Variants in LINGO2 observed in about 807,000 individuals in gnomAD.
The protein encoded by LINGO2 is leucine rich repeat and Ig domain containing 2, also known as leucine-rich repeat and immunoglobulin-like domain-containing nogo receptor-interacting protein 2.
Under a neutral mutation model 30.6 loss-of-function variants are expected in LINGO2, and 14 were observed. The ratio of observed to expected loss-of-function variants is 0.46; its 90% CI spans 0.30 to 0.72. LINGO2 has a LOEUF of 0.72. LINGO2 is among the 30% of genes least tolerant of loss of function. The probability of loss-of-function intolerance (pLI) is 0.07; values close to 1 mark genes in which losing one functional copy is unlikely to be tolerated. For missense variants in LINGO2, 729 were observed against 751.7 expected (o/e 0.97, Z 0.35); for synonymous variants, 317 against 288.5 (o/e 1.10, Z -1.00).
intron 1 of LINGO2, among the ~76,000 whole-genome samples, chr9:28,602,458 A>C (rs1227282936): frequency 6.6e-6 from 1 of 152,124 alleles, no homozygotes; most frequent in Non-Finnish European, 1.5e-5. Flanking sequence ...ATACTAAATG[A>C]TATGTTTTAC....
the LINGO2 span, among the ~76,000 whole-genome samples, chr9:28,910,194 T>C: frequency 2.0e-5 from 3 of 152,074 alleles, no homozygotes; most frequent in Non-Finnish European, 4.4e-5. Context: ...TATAGATACA[T>C]TTATCTCTTT....
chr9:28,850,640 A>G, the LINGO2 span, among the ~76,000 whole-genome samples: 2 of 152,052 alleles, frequency 1.3e-5, no homozygotes, highest in Admixed American at 6.6e-5. Flanking sequence ...GAGGGAATGC[A>G]TATTAACCAG....
At chr9:28,902,199 G>A in the LINGO2 span, among the ~76,000 whole-genome samples, 1 of 152,116 alleles carries the variant, frequency 6.6e-6, no homozygotes. Context: ...GAAACCTAAA[G>A]AGAGCAGGTA....
intron 4 of LINGO2, among the ~76,000 whole-genome samples, chr9:28,177,417 A>G (rs983585678): frequency 6.6e-6 from 1 of 152,186 alleles, no homozygotes; most frequent in Non-Finnish European, 1.5e-5. Flanking sequence ...TCTGAAGGTC[A>G]TATGGTACAA....
At chr9:28,384,719 T>C (rs988235370) in intron 2 of LINGO2, among the ~76,000 whole-genome samples, 10 of 152,068 alleles carry the variant, frequency 6.6e-5, no homozygotes, top group Admixed American at 2.0e-4. Context: ...TTTAAAAATA[T>C]GTTTCTTGCA....
intron 1 of LINGO2, among the ~76,000 whole-genome samples, chr9:28,562,587 T>G (rs1823156580): frequency 1.3e-5 from 2 of 151,892 alleles, no homozygotes; most frequent in Admixed American, 1.3e-4. Context: ...TGTGTCATGC[T>G]AAAAGGGTTA....
At chr9:28,448,569 C>T (rs1482658545) in intron 2 of LINGO2, among the ~76,000 whole-genome samples, 1 of 151,894 alleles carries the variant, frequency 6.6e-6, no homozygotes, top group African/African-American at 2.4e-5. Context: ...TACCCAAGAA[C>T]ATACAGTTTT....
chr9:28,999,647 C>G, the LINGO2 span, among the ~76,000 whole-genome samples: 1 of 151,884 alleles, frequency 6.6e-6, no homozygotes, highest in Non-Finnish European at 1.5e-5. Context: ...CCTATTAAAT[C>G]CTGCAAAATC....
chr9:28,329,582 C>T lies in LINGO2; in HGVS notation c.-245-34216G>A, dbSNP rs1825348462. 6.6e-6 allele frequency among the ~76,000 whole-genome samples: 1 copy of T among 152,118 alleles called. No homozygotes were observed. Among genetic ancestry groups the T allele is most frequent in the South Asian group, 2.1e-4 (1 of 4,832 alleles). Reference sequence around the variant, plus strand: ...AGGGCTTCGGTTCAAGCCAGGATATCCAAGCATACACAAAAATTCTTTATA... The same window carrying T: ...AGGGCTTCGGTTCAAGCCAGGATATTCAAGCATACACAAAAATTCTTTATA... On this transcript the variant is annotated intron_variant, in intron 3 of 5. Coordinates refer to ENST00000379992, the Ensembl canonical transcript of LINGO2. This position sits in a 1 kb window ranked among gnomAD's most constrained non-coding sequence, Gnocchi z 4.5.
chr9:28,348,290 T>G (rs1165369665), intron 3 of LINGO2, among the ~76,000 whole-genome samples: 2 of 151,860 alleles, frequency 1.3e-5, no homozygotes, highest in African/African-American at 2.4e-5. Flanking sequence ...AGTGGGTGTG[T>G]GCACCGTGCA....
At position 28,296,561 on chromosome 9, in the gene LINGO2, G is replaced by A. The variant is rs941045835; in HGVS notation, c.-245-1195C>T. Among the ~76,000 whole-genome samples, 3 of 152,144 alleles carry A rather than the reference G, an allele frequency of 2.0e-5. No individual in the cohort carries two copies. In the East Asian group the frequency reaches 5.8e-4, roughly 29 times the overall value. On this transcript the variant is annotated intron_variant, in intron 3 of 5. Transcript: ENST00000379992. ...GCTTCACGGATTCCCAGAAGTCAGT[G>A]TGGAGACTTTGTTAAAAGGCACAAC...
In LINGO2 at chr9:28,191,809, T is replaced by C. The variant is rs758929338; in HGVS notation, c.-87+103399A>G. On this transcript the variant is annotated intron_variant, in intron 4 of 5. Coordinates refer to ENST00000379992, the Ensembl canonical transcript of LINGO2. ...TTATCTTTTCCCATATTCAGTAAAA[T>C]GACAGTAACCTGGTTTTCTTCTGAT... is the stretch of plus-strand genomic sequence containing the variant. Among the ~76,000 whole-genome samples, 8 of 152,154 alleles carry C rather than the reference T, an allele frequency of 5.3e-5. 1 individual carries two copies. Among genetic ancestry groups the C allele is most frequent in the Non-Finnish European group, 7.4e-5 (5 of 67,998 alleles).
At chr9:28,138,047 T>TTCC (rs1175127180) in intron 4 of LINGO2, among the ~76,000 whole-genome samples, 3 of 152,200 alleles carry the variant, frequency 2.0e-5, no homozygotes, top group African/African-American at 7.2e-5. Context: ...CTCTGGAAGG[T>TTCC]AGATATCATT....
chr9:28,658,443 T>A (rs1015778929), intron 1 of LINGO2, among the ~76,000 whole-genome samples: 5 of 152,106 alleles, frequency 3.3e-5, no homozygotes, highest in Non-Finnish European at 7.4e-5. Context: ...TATATCTTTA[T>A]AATTATTACA....
intron 1 of LINGO2, among the ~76,000 whole-genome samples, chr9:28,669,290 C>T (rs1828924866): frequency 6.6e-6 from 1 of 152,020 alleles, no homozygotes; most frequent in South Asian, 2.1e-4. Flanking sequence ...AAGCATATTC[C>T]CTTTTTAGAA....
At chr9:28,625,389 T>G (rs1436070730) in intron 1 of LINGO2, among the ~76,000 whole-genome samples, 2 of 152,152 alleles carry the variant, frequency 1.3e-5, no homozygotes, top group Admixed American at 6.5e-5. Context: ...AGTTCAAGAC[T>G]GTCTTTGCTA....
chr9:27,976,955 A>G lies in LINGO2; in HGVS notation c.-35-26249T>C, dbSNP rs1820626319. 2.0e-5 allele frequency among the ~76,000 whole-genome samples: 3 copies of G among 152,060 alleles called. No individual in the cohort carries two copies. The South Asian group carries it at 6.2e-4, about 31-fold the overall frequency. On this transcript the variant is annotated intron_variant, in intron 5 of 5. Coordinates refer to ENST00000379992, the Ensembl canonical transcript of LINGO2. ...TTTAAATCTAAGTTTGTTTCTAAAT[A>G]CATAAATCTCTGAGAAAGCCCGTGA...
intron 4 of LINGO2, among the ~76,000 whole-genome samples, chr9:28,080,287 C>G (rs1177174587): frequency 6.6e-6 from 1 of 152,166 alleles, no homozygotes; most frequent in Non-Finnish European, 1.5e-5. Flanking sequence ...GGCATATGAC[C>G]TCCTACCTGA....
the LINGO2 span, among the ~76,000 whole-genome samples, chr9:29,043,426 A>G: frequency 6.6e-6 from 1 of 152,008 alleles, no homozygotes; most frequent in African/African-American, 2.4e-5. Flanking sequence ...GAATCTTATA[A>G]AAATCGAAAA....
Sources: gnomAD v4.1 joint callset for allele counts (sites outside exome capture counted in the v4.1 genomes callset) on GRCh38, gnomAD v4.1.1 for gene constraint, Gnocchi (gnomAD v3.1) non-coding constraint, MANE v1.5 for transcripts, NCBI Gene and HGNC (gene_info 2026-07-23, HGNC 2026-07-21) for gene names.